Variants in KHDRBS3 observed in about 807,000 individuals in gnomAD.
The protein encoded by KHDRBS3 is KH RNA binding domain containing, signal transduction associated 3.
In KHDRBS3, 23 loss-of-function variants were observed where a neutral mutation model predicts 45.6. The ratio of observed to expected loss-of-function variants is 0.50; its 90% CI spans 0.36 to 0.72. The LOEUF (loss-of-function observed/expected upper bound fraction) is 0.72, where lower values mean the gene tolerates loss of function less well. KHDRBS3 is among the 30% of genes least tolerant of loss of function. KHDRBS3 has a pLI of 0.00. For missense variants in KHDRBS3, 352 were observed against 424.8 expected, an observed-to-expected ratio of 0.83 and a Z score of 1.51; for synonymous variants, 162 against 156.5, an observed-to-expected ratio of 1.04 and a Z score of -0.26.
chr8:135,588,813 A>G (rs572983987), intron 6 of KHDRBS3, among the ~76,000 whole-genome samples: 18 of 152,288 alleles, frequency 1.2e-4, no homozygotes, highest in African/African-American at 4.3e-4. Context: ...CTAAATTTCT[A>G]ACTCTGGTGT....
In KHDRBS3 at chr8:135,544,833, C is replaced by A. The variant is rs114395767; in HGVS notation, c.324+2063C>A. On this transcript the variant is annotated intron_variant, in intron 3 of 8. Coordinates refer to ENST00000355849, the MANE Select transcript of KHDRBS3 (RefSeq NM_006558.3). ...ATTGTGTATATTTCATCAAGGCACT[C>A]AGGAACCAGGGAGGGGAGTAGCATA... Among the ~76,000 whole-genome samples the A allele has an allele frequency of 4.9e-3, 745 of 152,214 alleles. 4 individuals are homozygous for A. The highest frequency in any genetic ancestry group is 0.014 in the Middle Eastern group (4 of 294).
At chr8:135,534,634 G>A (rs183851245) in intron 2 of KHDRBS3, among the ~76,000 whole-genome samples, 1 of 152,136 alleles carries the variant, frequency 6.6e-6, no homozygotes, top group Admixed American at 6.5e-5. Context: ...TTTTTGATCA[G>A]TGACTGCTTT....
At chr8:135,510,778 T>A (rs1824243638) in intron 1 of KHDRBS3, among the ~76,000 whole-genome samples, 1 of 152,132 alleles carries the variant, frequency 6.6e-6, no homozygotes, top group Non-Finnish European at 1.5e-5. Context: ...GGTTAGTTGG[T>A]GGTTTCTCAT....
At chr8:135,529,907 C>T (rs901817004) in intron 2 of KHDRBS3, among the ~76,000 whole-genome samples, 1 of 151,786 alleles carries the variant, frequency 6.6e-6, no homozygotes, top group Non-Finnish European at 1.5e-5. Flanking sequence ...AAAAATTAGC[C>T]AGGCGTGGTG....
intron 2 of KHDRBS3, among the ~76,000 whole-genome samples, chr8:135,537,579 G>T (rs1395940685): frequency 6.6e-6 from 1 of 152,092 alleles, no homozygotes; most frequent in Non-Finnish European, 1.5e-5. Flanking sequence ...AACCAACTCA[G>T]GGTATGTGAC....
At chr8:135,485,847 T>C (rs539235763) in intron 1 of KHDRBS3, among the ~76,000 whole-genome samples, 115 of 135,564 alleles carry the variant, frequency 8.5e-4, no homozygotes, top group Non-Finnish European at 1.4e-3. Context: ...CAAGTTTATA[T>C]ATATATATAT....
In KHDRBS3 at chr8:135,597,431, A is replaced by G. The variant is rs541090325; in HGVS notation, c.808-9524A>G. Among the ~76,000 whole-genome samples, 93 of 152,180 alleles carry G rather than the reference A, an allele frequency of 6.1e-4. 3 individuals are homozygous for G. In the South Asian group the frequency reaches 0.016, roughly 27 times the overall value. ...GGCCTTTATGCTTGCTGTTCATTCT[A>G]TCTGAAATTCTCTCCCCCCTAGTCC... On this transcript the variant is annotated intron_variant, in intron 6 of 8. Transcript: ENST00000355849.
At chr8:135,488,298 C>G (rs942267590) in intron 1 of KHDRBS3, among the ~76,000 whole-genome samples, 1 of 152,090 alleles carries the variant, frequency 6.6e-6, no homozygotes, top group African/African-American at 2.4e-5. Context: ...TTTTTTAGGT[C>G]TTTGGGTTGT....
At chr8:135,479,655 G>T (rs1372372818) in intron 1 of KHDRBS3, among the ~76,000 whole-genome samples, 2 of 152,254 alleles carry the variant, frequency 1.3e-5, no homozygotes, top group South Asian at 2.1e-4. Flanking sequence ...GCCTCTGTTG[G>T]CATTAATCCC....
intron 5 of KHDRBS3, among the ~76,000 whole-genome samples, chr8:135,579,576 A>T (rs1221387274): frequency 1.3e-5 from 2 of 152,130 alleles, no homozygotes; most frequent in African/African-American, 4.8e-5. Context: ...ATCTCAAGTG[A>T]TCCACCCATG....
At chr8:135,566,922 GGT>G (rs1827448224) in intron 5 of KHDRBS3, among the ~76,000 whole-genome samples, 1 of 152,250 alleles carries the variant, frequency 6.6e-6, no homozygotes, top group African/African-American at 2.4e-5. Context: ...TGCTTTGGCT[GGT>G]AGAGCAATAA....
chr8:135,589,288 A>G (rs1424511842), intron 6 of KHDRBS3, among the ~76,000 whole-genome samples: 1 of 152,084 alleles, frequency 6.6e-6, no homozygotes, highest in Non-Finnish European at 1.5e-5. Flanking sequence ...TCTAATATCT[A>G]ACATCGGATA....
intron 2 of KHDRBS3, among the ~76,000 whole-genome samples, chr8:135,526,807 C>T (rs1279387311): frequency 6.6e-6 from 1 of 152,144 alleles, no homozygotes; most frequent in East Asian, 1.9e-4. Context: ...ATTTAGTGTT[C>T]AGACCTTAAT....
intron 1 of KHDRBS3, among the ~76,000 whole-genome samples, chr8:135,509,972 CCCT>C (rs1281053428): frequency 8.9e-5 from 13 of 146,890 alleles, no homozygotes; most frequent in Admixed American, 8.7e-4. Flanking sequence ...CTTTCCCCCC[CCCT>C]TTTTTTTTTT....
intron 6 of KHDRBS3, among the ~76,000 whole-genome samples, chr8:135,605,194 T>A (rs1298550354): frequency 6.6e-6 from 1 of 152,088 alleles, no homozygotes; most frequent in African/African-American, 2.4e-5. Context: ...TTGGAAGTTT[T>A]CAGCCATCGT....
chr8:135,463,429 C>T (rs1821532335), intron 1 of KHDRBS3, among the ~76,000 whole-genome samples: 1 of 152,140 alleles, frequency 6.6e-6, no homozygotes, highest in Admixed American at 6.6e-5. Context: ...CAGGGTTGAA[C>T]AAGCAGAAAA....
At chr8:135,490,544 A>G (rs1823094842) in intron 1 of KHDRBS3, among the ~76,000 whole-genome samples, 1 of 152,198 alleles carries the variant, frequency 6.6e-6, no homozygotes, top group Admixed American at 6.6e-5. Context: ...TAAAGTGTGG[A>G]CAGTTGGTTA....
intron 6 of KHDRBS3, among the ~76,000 whole-genome samples, chr8:135,605,895 T>G (rs989595900): frequency 3.9e-5 from 6 of 152,238 alleles, no homozygotes; most frequent in East Asian, 1.9e-4. Context: ...TTTTGTGAGT[T>G]TTTTTGCGTG....
chr8:135,478,195 C>G (rs982996635), intron 1 of KHDRBS3, among the ~76,000 whole-genome samples: 1 of 152,146 alleles, frequency 6.6e-6, no homozygotes, highest in Non-Finnish European at 1.5e-5. Flanking sequence ...GGAAAAGGAT[C>G]GGAGCCTCTA....
Sources: gnomAD v4.1 joint callset for allele counts (sites outside exome capture counted in the v4.1 genomes callset) on GRCh38, gnomAD v4.1.1 for gene constraint, MANE v1.5 for transcripts, NCBI Gene and HGNC (gene_info 2026-07-23, HGNC 2026-07-21) for gene names.